IL1RL1: variants seen among roughly 807,000 people sequenced by gnomAD.
The protein encoded by IL1RL1 is interleukin-1 receptor-like 1.
IL1RL1 carries 32 observed loss-of-function variants against 50.9 expected under a neutral mutation model. The observed-to-expected ratio is 0.63, with a 90% CI of 0.47 to 0.84. The LOEUF (loss-of-function observed/expected upper bound fraction) is 0.84. IL1RL1 is among the 40% of genes least tolerant of loss of function. The pLI is 0.00. For synonymous variants in IL1RL1, 275 were observed against 236.0 expected (o/e 1.17, Z -1.51); for missense variants, 773 against 662.9 (o/e 1.17, Z -1.82).
chr2:102,326,778 G>A (rs920042467), intron 1 of IL1RL1, among the ~76,000 whole-genome samples: 38 of 152,122 alleles, frequency 2.5e-4, no homozygotes, highest in Non-Finnish European at 4.9e-4. Flanking sequence ...TAATGGTAAA[G>A]GGATCAATTC....
rs1396092112 is a variant in IL1RL1, at chr2:102,351,868, A to G, written c.1618A>G (p.Lys540Glu). The G allele has an allele frequency of 2.5e-6, 4 of 1,613,796 alleles. No individual in the cohort carries two copies. Among genetic ancestry groups the G allele is most frequent in the Non-Finnish European group, 3.4e-6 (4 of 1,179,920 alleles). Residue 540 changes from lysine (K) to glutamate (E), a missense_variant, in exon 11 of 11, where the codon AAA becomes GAA. Physicochemically the swap from Lys to Glu is moderately conservative, Grantham distance 56. Transcript: ENST00000233954. ...HVRYQMPVPSKIPRKASSLTP... is the reference protein window; with the variant it reads ...HVRYQMPVPSEIPRKASSLTP... ...GAGGTACCAAATGCCTGTGCCAAGCAAAATTCCCAGAAAGGCCTCTAGTTT... is the reference window on the plus strand; with the variant it reads ...GAGGTACCAAATGCCTGTGCCAAGCGAAATTCCCAGAAAGGCCTCTAGTTT...
intron 1 of IL1RL1, among the ~76,000 whole-genome samples, chr2:102,335,759 C>T (rs1056145543): frequency 6.6e-6 from 1 of 152,024 alleles, no homozygotes; most frequent in East Asian, 1.9e-4. Context: ...TTTTGGGATA[C>T]CAAATGTAAA....
intron 1 of IL1RL1, among the ~76,000 whole-genome samples, chr2:102,327,918 C>T (rs2104971406): frequency 6.6e-6 from 1 of 152,268 alleles, no homozygotes; most frequent in Non-Finnish European, 1.5e-5. Flanking sequence ...CCGAATTCTA[C>T]CAGAGGTACA....
At chr2:102,334,794 T>C (rs916391511) in intron 1 of IL1RL1, among the ~76,000 whole-genome samples, 7 of 152,224 alleles carry the variant, frequency 4.6e-5, no homozygotes, top group African/African-American at 1.7e-4. Flanking sequence ...CTAAGTCAAA[T>C]GAAGAAGTCT....
intron 4 of IL1RL1, 37 bp downstream of exon 4, chr2:102,340,309 C>T (rs1461982839): frequency 1.3e-6 from 2 of 1,532,326 alleles, no homozygotes; most frequent in African/African-American, 1.4e-5. Flanking sequence ...ATGAAAATTA[C>T]ACAATTAAAA....
chr2:102,327,937 C>A (rs1156871933), intron 1 of IL1RL1, among the ~76,000 whole-genome samples: 1 of 152,210 alleles, frequency 6.6e-6, no homozygotes, highest in Non-Finnish European at 1.5e-5. Flanking sequence ...CAAGGAGGAG[C>A]TGTTACCATT....
At chr2:102,318,073 C>G (rs752387764) in intron 1 of IL1RL1, among the ~76,000 whole-genome samples, 1 of 152,080 alleles carries the variant, frequency 6.6e-6, no homozygotes, top group Non-Finnish European at 1.5e-5. Context: ...AGGGGGTCTT[C>G]TTGTTCATTG....
intron 3 of IL1RL1, 166 bp downstream of exon 3, chr2:102,339,213 A>G (rs1324782958): frequency 1.3e-5 from 8 of 599,992 alleles, no homozygotes; most frequent in Admixed American, 8.8e-5. Context: ...TAGGAATACT[A>G]TCAGGTTGAG....
At chr2:102,325,107 G>A (rs1025791250) in intron 1 of IL1RL1, among the ~76,000 whole-genome samples, 1 of 152,130 alleles carries the variant, frequency 6.6e-6, no homozygotes, top group African/African-American at 2.4e-5. Flanking sequence ...CCCCCAGTAG[G>A]GGGCAGTCTG....
chr2:102,321,586 T>G (rs574038235), intron 1 of IL1RL1, among the ~76,000 whole-genome samples: 1 of 152,226 alleles, frequency 6.6e-6, no homozygotes, highest in South Asian at 2.1e-4. Flanking sequence ...TCCTGATATT[T>G]TATGGTCCGA....
intron 1 of IL1RL1, among the ~76,000 whole-genome samples, chr2:102,334,870 T>C (rs2104978743): frequency 6.6e-6 from 1 of 152,332 alleles, no homozygotes; most frequent in Admixed American, 6.5e-5. Flanking sequence ...AGTTAGTTGT[T>C]GCCCTCAAAA....
At chr2:102,323,119 G>T (rs544057004) in intron 1 of IL1RL1, among the ~76,000 whole-genome samples, 1 of 151,606 alleles carries the variant, frequency 6.6e-6, no homozygotes, top group South Asian at 2.1e-4. Flanking sequence ...TTTAATTTTT[G>T]GTATTATGAG....
chr2:102,313,958 A>T (rs1225473663), intron 1 of IL1RL1, among the ~76,000 whole-genome samples: 1 of 152,222 alleles, frequency 6.6e-6, no homozygotes, highest in African/African-American at 2.4e-5. Flanking sequence ...TCCAAGAAAG[A>T]GAAAGGAAAG....
At chr2:102,339,836 C>T (rs1677472595) in intron 3 of IL1RL1, among the ~76,000 whole-genome samples, 1 of 152,128 alleles carries the variant, frequency 6.6e-6, no homozygotes, top group Non-Finnish European at 1.5e-5. Context: ...ACTGGGATTA[C>T]AGCATTACAG....
chr2:102,324,111 G>T lies in IL1RL1; in HGVS notation c.-150+12488G>T, dbSNP rs545459533. Among the ~76,000 whole-genome samples, 4 of 150,608 alleles carry T rather than the reference G, an allele frequency of 2.7e-5. No homozygotes were observed. The South Asian group carries it at 8.4e-4, about 32-fold the overall frequency. On this transcript the variant is annotated intron_variant, in intron 1 of 10. Transcript: ENST00000233954. Reference sequence around the variant, plus strand: ...TCATTGGTCTTGTTTCCAGTATTTGGCTATATGAATTGAACTGGTATGAAC... The same window carrying T: ...TCATTGGTCTTGTTTCCAGTATTTGTCTATATGAATTGAACTGGTATGAAC...
chr2:102,338,911 G>T lies in IL1RL1; in HGVS notation c.136G>T (p.Val46Leu). Residue 46 changes from valine (V) to leucine (L), a missense_variant, in exon 3 of 11, where the codon GTG (valine) becomes TTG (leucine). By Grantham distance (32) the Val-to-Leu change is conservative. Coordinates refer to ENST00000233954, the MANE Select transcript of IL1RL1 (RefSeq NM_016232.5). Reference protein sequence around the residue: ...CPRQGKPSYTVDWYYSQTNKS... With the variant: ...CPRQGKPSYTLDWYYSQTNKS... ...TAGACAAGGAAAACCTAGTTACACC[G>T]TGGATTGGTATTACTCACAAACAAA... 6.2e-7 allele frequency: 1 copy of T among 1,613,640 alleles called. No homozygotes were observed. Among genetic ancestry groups the T allele is most frequent in the Non-Finnish European group, 8.5e-7 (1 of 1,179,618 alleles).
intron 1 of IL1RL1, among the ~76,000 whole-genome samples, chr2:102,327,278 C>T (rs1252372148): frequency 6.6e-6 from 1 of 151,938 alleles, no homozygotes; most frequent in Non-Finnish European, 1.5e-5. Flanking sequence ...GAAATGAAGG[C>T]AGAAATAAAG....
chr2:102,315,436 G>A (rs1309353841), intron 1 of IL1RL1, among the ~76,000 whole-genome samples: 1 of 152,180 alleles, frequency 6.6e-6, no homozygotes, highest in Non-Finnish European at 1.5e-5. Context: ...CATCTGAGCA[G>A]AGATCTCAAA....
rs1559591991 is a variant in IL1RL1 at position 102,311,919 on chromosome 2, TA to T, written c.-150+297del. On this transcript the variant is annotated intron_variant, in intron 1 of 10. Transcript: ENST00000233954. ...ATATCATATATGTTATATATTTTAT[TA>T]TATAATATATATTATATATAATATT... is the stretch of plus-strand genomic sequence containing the variant. Among the ~76,000 whole-genome samples, 7 of 37,448 alleles carry T rather than the reference TA, an allele frequency of 1.9e-4. 1 individual carries two copies. In the South Asian group the frequency reaches 2.1e-3, roughly 11 times the overall value. 24.6% of individuals were successfully genotyped at this position (37,448 alleles called of 152,430 possible). A position where few individuals can be genotyped will look rare whatever the true frequency, so the allele number is the denominator to read the frequency against.
Sources: gnomAD v4.1 joint callset for allele counts (sites outside exome capture counted in the v4.1 genomes callset) on GRCh38, gnomAD v4.1.1 for gene constraint, MANE v1.5 for transcripts, NCBI Gene and HGNC (gene_info 2026-07-23, HGNC 2026-07-21) for gene names.